The following MSN variants were observed in gnomAD, a reference collection of about 807,000 sequenced individuals.
MSN encodes the protein epididymis luminal protein 70.
MSN carries 2 observed loss-of-function variants against 48.0 expected under a neutral mutation model. That is an observed-to-expected ratio of 0.04 (90% confidence interval 0.02 to 0.13). MSN has a LOEUF of 0.13. Ranked by LOEUF, MSN falls within the 10% of genes least tolerant of loss-of-function variation. MSN has a pLI of 1.00. For synonymous variants in MSN, 146 were observed against 166.9 expected, an observed-to-expected ratio of 0.87 and a Z score of 0.97; for missense variants, 267 against 470.1, an observed-to-expected ratio of 0.57 and a Z score of 3.99.
chrX:65,703,525 A>T (rs899776623), intron 1 of MSN, among the ~76,000 whole-genome samples: 1 of 110,288 alleles, frequency 9.1e-6, no homozygotes, highest in Non-Finnish European at 1.9e-5. Context: ...TAGGAAGCCA[A>T]CCTTAGCCTA....
intron 1 of MSN, among the ~76,000 whole-genome samples, chrX:65,647,144 T>C (rs1178647666): frequency 2.7e-5 from 3 of 111,068 alleles, no homozygotes; most frequent in Non-Finnish European, 5.7e-5. Context: ...ACTCAAATAA[T>C]TGTATATTTG....
At chrX:65,606,416 C>G (rs1196659346) in intron 1 of MSN, among the ~76,000 whole-genome samples, 1 of 109,825 alleles carries the variant, frequency 9.1e-6, no homozygotes, top group Non-Finnish European at 1.9e-5. Context: ...TGTGAGCCAC[C>G]ACACCCGGCC....
At chrX:65,589,866 C>CT (rs34344599) in intron 1 of MSN, 176 of 79,985 alleles carry the variant, frequency 2.2e-3, no homozygotes, top group Middle Eastern at 0.011. Context: ...TTCTTTCTTT[C>CT]TTTTTTTTTT....
chrX:65,591,335 T>G (rs1048834134), intron 1 of MSN, among the ~76,000 whole-genome samples: 18 of 111,959 alleles, frequency 1.6e-4, no homozygotes, highest in Admixed American at 6.6e-4. Context: ...CTCTCACCAC[T>G]GTCGGCTAGG....
intron 1 of MSN, among the ~76,000 whole-genome samples, chrX:65,590,258 CT>C (rs1446554660): frequency 1.8e-4 from 20 of 111,467 alleles, no homozygotes; most frequent in Non-Finnish European, 3.8e-5. Flanking sequence ...AGAAGCACCC[CT>C]GGCACCTTGC....
At chrX:65,720,112 T>C (rs1416776859) in intron 2 of MSN, among the ~76,000 whole-genome samples, 2 of 111,715 alleles carry the variant, frequency 1.8e-5, no homozygotes, top group African/African-American at 3.3e-5. Flanking sequence ...ATTGTTATCT[T>C]GAGAAGTATC....
intron 1 of MSN, among the ~76,000 whole-genome samples, chrX:65,646,306 C>G (rs771800520): frequency 4.6e-4 from 51 of 112,022 alleles, no homozygotes; most frequent in Non-Finnish European, 1.3e-4. Flanking sequence ...CTTCACTTCT[C>G]TCATCCTGAT....
intron 1 of MSN, among the ~76,000 whole-genome samples, chrX:65,626,045 C>A (rs1298120039): frequency 3.8e-5 from 4 of 106,376 alleles, no homozygotes; most frequent in Non-Finnish European, 7.7e-5. Context: ...AGCTCTGCCT[C>A]CCGGGTTCAC....
intron 1 of MSN, among the ~76,000 whole-genome samples, chrX:65,657,181 AG>A (rs1175425150): frequency 9.0e-6 from 1 of 111,665 alleles, no homozygotes; most frequent in African/African-American, 3.3e-5. Flanking sequence ...GGCAGGGGTC[AG>A]GCAGAGTTAA....
intron 1 of MSN, among the ~76,000 whole-genome samples, chrX:65,628,553 G>A (rs1164080378): frequency 4.5e-5 from 5 of 111,358 alleles, no homozygotes; most frequent in Non-Finnish European, 9.4e-5. Flanking sequence ...TTTCCTCCTC[G>A]GCCTTCGGGC....
chrX:65,599,443 G>A (rs1356435879), intron 1 of MSN, among the ~76,000 whole-genome samples: 1 of 112,283 alleles, frequency 8.9e-6, no homozygotes, highest in East Asian at 2.8e-4. Context: ...GACCATCCTG[G>A]CCAACATGGT....
chrX:65,719,532 G>A (rs920938153), intron 2 of MSN, among the ~76,000 whole-genome samples: 3 of 111,769 alleles, frequency 2.7e-5, no homozygotes, highest in African/African-American at 9.7e-5. Context: ...TTCCTTGACA[G>A]GCTTTTTACT....
At chrX:65,623,194 G>A (rs894523424) in intron 1 of MSN, among the ~76,000 whole-genome samples, 1 of 109,272 alleles carries the variant, frequency 9.2e-6, no homozygotes, top group Non-Finnish European at 1.9e-5. Flanking sequence ...AAATTCATAA[G>A]GGAGTTTAGT....
upstream of MSN, among the ~76,000 whole-genome samples, chrX:65,667,372 G>A (rs868280901): frequency 1.5e-4 from 16 of 109,703 alleles, no homozygotes; most frequent in South Asian, 1.2e-3. Flanking sequence ...CAGGGTCTGG[G>A]CCCTGAGTGG....
At chrX:65,609,971 G>A (rs894853466) in intron 1 of MSN, among the ~76,000 whole-genome samples, 2 of 111,305 alleles carry the variant, frequency 1.8e-5, no homozygotes, top group African/African-American at 6.5e-5. Flanking sequence ...CTATTTTCCC[G>A]GTACCTAGAC....
chrX:65,647,721 T>C (rs2070705345), intron 1 of MSN, among the ~76,000 whole-genome samples: 2 of 111,776 alleles, frequency 1.8e-5, no homozygotes, highest in Non-Finnish European at 1.9e-5. Context: ...CATAACACAT[T>C]TTAGAGATGG....
At chrX:65,641,571 T>A (rs1333213681) in intron 1 of MSN, among the ~76,000 whole-genome samples, 4 of 61,668 alleles carry the variant, frequency 6.5e-5, no homozygotes, top group African/African-American at 1.4e-4. Flanking sequence ...TATATATATA[T>A]ATATATATAT....
intron 1 of MSN, among the ~76,000 whole-genome samples, chrX:65,616,130 C>T (rs1252263986): frequency 9.0e-6 from 1 of 111,467 alleles, no homozygotes; most frequent in Non-Finnish European, 1.9e-5. Flanking sequence ...AGTTTGAAGT[C>T]AGGTAGTGTG....
chrX:65,607,163 G>A (rs2070284846), intron 1 of MSN, among the ~76,000 whole-genome samples: 1 of 112,321 alleles, frequency 8.9e-6, no homozygotes, highest in African/African-American at 3.2e-5. Context: ...CTAAGAGAGA[G>A]AAATTGAGGC....
Sources: allele counts gnomAD v4.1 joint callset (sites outside exome capture counted in the v4.1 genomes callset), GRCh38; gene constraint gnomAD v4.1.1; transcripts MANE v1.5; gene names NCBI Gene and HGNC (gene_info 2026-07-23, HGNC 2026-07-21).